The following DNAH6 variants were observed in gnomAD, a reference collection of about 807,000 sequenced individuals.
DNAH6 encodes dynein axonemal heavy chain 6.
In DNAH6, 340 loss-of-function variants were observed where a neutral mutation model predicts 491.4. The ratio of observed to expected loss-of-function variants is 0.69; its 90% CI spans 0.63 to 0.76. DNAH6 has a LOEUF of 0.76. Ranked by LOEUF, DNAH6 falls within the 30% of genes least tolerant of loss-of-function variation. The pLI is 0.00. For missense variants in DNAH6, 4,443 were observed against 4,972.2 expected, an observed-to-expected ratio of 0.89 and a Z score of 3.20; for synonymous variants, 1,603 against 1,686.1, an observed-to-expected ratio of 0.95 and a Z score of 1.21.
the DNAH6 span, among the ~76,000 whole-genome samples, chr2:84,473,309 T>C: frequency 6.6e-6 from 1 of 152,226 alleles, no homozygotes. Context: ...CCATTAGCTT[T>C]GTTGTGCGCA....
chr2:84,621,572 A>G (rs1334912320), intron 26 of DNAH6, 21 bp downstream of exon 26: 1 of 1,437,880 alleles, frequency 7.0e-7, no homozygotes, highest in African/African-American at 1.4e-5. Flanking sequence ...TAACAAAGTG[A>G]CATTGTTGTC....
chr2:84,734,983 A>G (rs777892710), intron 62 of DNAH6, among the ~76,000 whole-genome samples: 2 of 151,974 alleles, frequency 1.3e-5, no homozygotes, highest in Non-Finnish European at 2.9e-5. Context: ...TTGGGCTTCT[A>G]ATGATCTCAT....
At chr2:84,606,339 C>A (rs1314409768) in intron 20 of DNAH6, among the ~76,000 whole-genome samples, 2 of 152,040 alleles carry the variant, frequency 1.3e-5, no homozygotes, top group East Asian at 1.9e-4. Flanking sequence ...TAAGTTTAGG[C>A]CAATTGATGT....
intron 15 of DNAH6, among the ~76,000 whole-genome samples, chr2:84,586,859 G>A (rs1036096199): frequency 2.6e-5 from 4 of 152,140 alleles, no homozygotes; most frequent in African/African-American, 9.7e-5. Context: ...ACAGCATATG[G>A]TTAAAAAGTA....
chr2:84,559,605 A>T (rs937202602), intron 11 of DNAH6, among the ~76,000 whole-genome samples: 1 of 152,152 alleles, frequency 6.6e-6, no homozygotes, highest in South Asian at 2.1e-4. Flanking sequence ...CATAAAATAA[A>T]ATAAAACATA....
chr2:84,550,007 G>A lies in DNAH6; in HGVS notation c.1435G>A (p.Val479Ile), dbSNP rs1679171503. ...DKLKRTPSADVIQKWITEEKP... is the reference protein window; with the variant it reads ...DKLKRTPSADIIQKWITEEKP... ...GCTAAAACGAACACCTTCAGCAGATGTCATTCAGAAATGGATTACTGAAGA... is the reference window on the plus strand; with the variant it reads ...GCTAAAACGAACACCTTCAGCAGATATCATTCAGAAATGGATTACTGAAGA... Residue 479 changes from valine (V) to isoleucine (I), a missense_variant, in exon 9 of 77, where the codon GTC becomes ATC. Physicochemically the swap from Val to Ile is conservative, Grantham distance 29. This residue lies in a region of DNAH6 where 2,977 missense variants were observed against 3,296.6 expected (regional missense o/e 0.90). Transcript: ENST00000389394. 2 of 1,613,954 alleles carry A rather than the reference G, an allele frequency of 1.2e-6. No homozygotes were observed. Among genetic ancestry groups the A allele is most frequent in the Non-Finnish European group, 1.7e-6 (2 of 1,179,940 alleles).
chr2:84,541,613 G>A (rs982898367), intron 4 of DNAH6, among the ~76,000 whole-genome samples: 1 of 152,288 alleles, frequency 6.6e-6, no homozygotes, highest in Admixed American at 6.5e-5. Context: ...ACTTTTAGAT[G>A]TGGAGGAAAA....
rs1274763784 is a variant in DNAH6 at position 84,694,279 on chromosome 2, C to T, written c.7323C>T (p.Gly2441=). 3 of 1,552,102 alleles carry T rather than the reference C, an allele frequency of 1.9e-6. No individual in the cohort carries two copies. The highest frequency in any genetic ancestry group is 2.6e-6 in the Non-Finnish European group (3 of 1,147,070). ...RIARMIRQER[G]NALLVGVGGT... The stretch of plus-strand genomic sequence containing the variant: ...CTCGGATGATACGTCAAGAAAGAGG[C>T]AATGCCCTGCTTGTTGGAGTAGGAG... Residue 2441 remains glycine, a synonymous_variant, in exon 46 of 77, where the codon GGC becomes GGT. Coordinates refer to ENST00000389394, the MANE Select transcript of DNAH6 (RefSeq NM_001370.2).
chr2:84,814,033 A>AGC lies in DNAH6; in HGVS notation c.12063_12064dup (p.Val4022AlafsTer2). The AGC allele has an allele frequency of 6.4e-7, 1 of 1,551,756 alleles. No homozygotes were observed. Among genetic ancestry groups the AGC allele is most frequent in the Non-Finnish European group, 8.7e-7 (1 of 1,146,996 alleles). ...TATAGATGAGCTGAGTTTCAAATAC[A>AGC]GCGTAATTCCCACCTATCGGGATCA... On this transcript the variant is annotated frameshift_variant, in exon 75 of 77. Coordinates refer to ENST00000389394, the MANE Select transcript of DNAH6 (RefSeq NM_001370.2). LOFTEE classifies it high-confidence loss of function.
intron 63 of DNAH6, among the ~76,000 whole-genome samples, chr2:84,750,503 T>A (rs932196138): frequency 6.6e-6 from 1 of 152,132 alleles, no homozygotes; most frequent in African/African-American, 2.4e-5. Context: ...TATACTTTTT[T>A]AAAGAGACTT....
At chr2:84,574,960 C>T (rs1682277042) in intron 12 of DNAH6, among the ~76,000 whole-genome samples, 1 of 152,188 alleles carries the variant, frequency 6.6e-6, no homozygotes, top group African/African-American at 2.4e-5. Flanking sequence ...TCAGCTAGTC[C>T]TATCTTGTCT....
intron 11 of DNAH6, among the ~76,000 whole-genome samples, chr2:84,565,572 C>CT (rs1681111754): frequency 6.6e-6 from 1 of 151,480 alleles, no homozygotes; most frequent in African/African-American, 2.4e-5. Context: ...TGTGTTTATT[C>CT]TTTTTTCTTT....
intron 62 of DNAH6, among the ~76,000 whole-genome samples, chr2:84,737,085 T>C (rs950676848): frequency 2.0e-5 from 3 of 152,134 alleles, no homozygotes; most frequent in Non-Finnish European, 2.9e-5. Flanking sequence ...ATTGAGGTGA[T>C]CATATGGTTT....
upstream of DNAH6, among the ~76,000 whole-genome samples, chr2:84,513,253 T>C (rs76357929): frequency 7.3e-3 from 1,113 of 152,300 alleles, 14 homozygotes; most frequent in African/African-American, 0.025. Flanking sequence ...AATTGGATAT[T>C]GGATATGTTG....
the DNAH6 span, among the ~76,000 whole-genome samples, chr2:84,498,959 A>G: frequency 6.6e-6 from 1 of 152,162 alleles, no homozygotes; most frequent in South Asian, 2.1e-4. Flanking sequence ...TATGGGGTAC[A>G]TGAGATGTTT....
At chr2:84,504,105 T>G in the DNAH6 span, among the ~76,000 whole-genome samples, 1 of 152,148 alleles carries the variant, frequency 6.6e-6, no homozygotes, top group Admixed American at 6.6e-5. Flanking sequence ...TTTTTTCTTT[T>G]GTCTCCTCTG....
At chr2:84,479,202 A>G in the DNAH6 span, among the ~76,000 whole-genome samples, 1 of 152,238 alleles carries the variant, frequency 6.6e-6, no homozygotes, top group Admixed American at 6.5e-5. Context: ...GGTTCAGGGC[A>G]GGTGGTTTTA....
At chr2:84,652,269 G>T (rs903744458) in intron 33 of DNAH6, among the ~76,000 whole-genome samples, 3 of 151,752 alleles carry the variant, frequency 2.0e-5, no homozygotes, top group Admixed American at 6.6e-5. Flanking sequence ...TTACGAAGGC[G>T]CCTATTTCCC....
chr2:84,684,788 T>C (rs570829020), intron 42 of DNAH6, among the ~76,000 whole-genome samples: 8 of 152,318 alleles, frequency 5.3e-5, no homozygotes, highest in African/African-American at 1.9e-4. Flanking sequence ...GATTGTAACT[T>C]GAAATCATTA....
Sources: gnomAD v4.1 joint callset for allele counts (sites outside exome capture counted in the v4.1 genomes callset) on GRCh38, gnomAD v4.1.1 for gene constraint, gnomAD v4.1.1 regional missense constraint, MANE v1.5 for transcripts, NCBI Gene and HGNC (gene_info 2026-07-23, HGNC 2026-07-21) for gene names.